EFCAB6: variants seen among roughly 807,000 people sequenced by gnomAD.
EFCAB6 encodes EF-hand calcium binding domain 6, also known as EF-hand calcium-binding domain-containing protein 6.
In EFCAB6, 156 loss-of-function variants were observed where a neutral mutation model predicts 169.8. The observed-to-expected ratio is 0.92, with a 90% CI of 0.81 to 1.05. EFCAB6 has a LOEUF of 1.05. Ranked by LOEUF, EFCAB6 falls within the 50% of genes least tolerant of loss-of-function variation. EFCAB6 has a pLI of 0.00. For missense variants in EFCAB6, 1,800 were observed against 1,829.1 expected, an observed-to-expected ratio of 0.98 and a Z score of 0.29; for synonymous variants, 698 against 676.4, an observed-to-expected ratio of 1.03 and a Z score of -0.50.
At chr22:43,703,992 C>T (rs1006894916) in intron 10 of EFCAB6, among the ~76,000 whole-genome samples, 9 of 151,976 alleles carry the variant, frequency 5.9e-5, no homozygotes, top group Admixed American at 6.5e-5. Context: ...GGAAAAGATA[C>T]CAGTATCCCC....
In EFCAB6 at chr22:43,744,028, G is replaced by C. The variant is rs112528951; in HGVS notation, c.508-8035C>G. 4.5e-4 allele frequency among the ~76,000 whole-genome samples: 69 copies of C among 152,150 alleles called. No homozygotes were observed. The highest frequency in any genetic ancestry group is 1.5e-3 in the African/African-American group (64 of 41,488). On this transcript the variant is annotated intron_variant, in intron 6 of 31. Coordinates refer to ENST00000262726, the MANE Select transcript of EFCAB6 (RefSeq NM_022785.4). This position sits in a 1 kb window ranked among gnomAD's most constrained non-coding sequence, Gnocchi z 4.3. ...ATGGATGAAGGGATGAATGATGAATGAATGAATGAATGAATGGGTTATGGA... is the reference window on the plus strand; with the variant it reads ...ATGGATGAAGGGATGAATGATGAATCAATGAATGAATGAATGGGTTATGGA...
chr22:43,753,485 C>G (rs557568926), intron 6 of EFCAB6, among the ~76,000 whole-genome samples: 1 of 152,196 alleles, frequency 6.6e-6, no homozygotes, highest in African/African-American at 2.4e-5. Flanking sequence ...GAGAGCGCCT[C>G]TTCCCATGAA....
At chr22:43,593,141 T>C (rs563573930) in intron 23 of EFCAB6, among the ~76,000 whole-genome samples, 56 of 152,200 alleles carry the variant, frequency 3.7e-4, no homozygotes, top group Non-Finnish European at 6.3e-4. Flanking sequence ...AAACAGGCCA[T>C]CCTGAAGGAC....
chr22:43,801,843 G>GCAAAAACGACTTAAAACAAACAAAAAAA (rs2062731541), intron 2 of EFCAB6, among the ~76,000 whole-genome samples: 1 of 152,106 alleles, frequency 6.6e-6, no homozygotes, highest in East Asian at 1.9e-4. Flanking sequence ...GCAACAAAAT[G>GCAAAAACGACTTAAAACAAACAAAAAAA]GCAACAGTAA....
intron 27 of EFCAB6, chr22:43,553,109 G>A (rs1057185533): frequency 2.6e-5 from 4 of 152,226 alleles, no homozygotes; most frequent in Non-Finnish European, 4.4e-5. Flanking sequence ...AGAGCTGTGA[G>A]TAGAGCCAGG....
chr22:43,798,584 G>A (rs1399764022), intron 2 of EFCAB6, among the ~76,000 whole-genome samples: 2 of 152,180 alleles, frequency 1.3e-5, no homozygotes, highest in Non-Finnish European at 2.9e-5. Flanking sequence ...ATTGGGATAA[G>A]TCTTTGATTA....
In EFCAB6 at chr22:43,675,314, ATAT is replaced by A. The variant is rs560593989; in HGVS notation, c.1419+2679_1419+2681del. Among the ~76,000 whole-genome samples, 372 of 40,402 alleles carry A rather than the reference ATAT, an allele frequency of 9.2e-3. 2 individuals carry two copies. Among genetic ancestry groups the A allele is most frequent in the African/African-American group, 0.025 (351 of 13,994 alleles). The allele number at this position is 40,402 out of a possible 152,430, so 26.5% of individuals were successfully genotyped here. A position where few individuals can be genotyped will look rare whatever the true frequency, so the allele number is the denominator to read the frequency against. On this transcript the variant is annotated intron_variant, in intron 13 of 31. Transcript: ENST00000262726. ...ATATAGCATAATTATATATTATAGT[ATAT>A]TATACTATAATATATAATATAATAT...
chr22:43,689,934 T>A (rs555636960), intron 10 of EFCAB6, among the ~76,000 whole-genome samples: 72 of 152,316 alleles, frequency 4.7e-4, no homozygotes, highest in Middle Eastern at 3.4e-3. Flanking sequence ...CTGCTCACGT[T>A]TTTATCCAGG....
intron 18 of EFCAB6, among the ~76,000 whole-genome samples, chr22:43,634,191 C>A (rs562876951): frequency 3.3e-5 from 5 of 152,210 alleles, no homozygotes; most frequent in Non-Finnish European, 7.3e-5. Context: ...GCAGGTGGGA[C>A]ACACTCACTA....
chr22:43,588,251 T>G (rs2051210412), intron 24 of EFCAB6, among the ~76,000 whole-genome samples: 1 of 152,252 alleles, frequency 6.6e-6, no homozygotes, highest in Admixed American at 6.5e-5. Context: ...CCACTCTTAG[T>G]ATGGACATAT....
chr22:43,701,792 G>A (rs746367771), intron 10 of EFCAB6, among the ~76,000 whole-genome samples: 2 of 150,382 alleles, frequency 1.3e-5, no homozygotes, highest in East Asian at 1.9e-4. Context: ...ATGAATTTAC[G>A]GATCTTAAGC....
chr22:43,615,271 T>C (rs939581503), intron 21 of EFCAB6, among the ~76,000 whole-genome samples: 1 of 152,220 alleles, frequency 6.6e-6, no homozygotes, highest in Admixed American at 6.5e-5. Flanking sequence ...AGTTCTATTA[T>C]CTTGTAGGTC....
At chr22:43,613,481 G>T (rs1247942418) in intron 21 of EFCAB6, among the ~76,000 whole-genome samples, 1 of 152,078 alleles carries the variant, frequency 6.6e-6, no homozygotes, top group Non-Finnish European at 1.5e-5. Context: ...GGAGCTGGAG[G>T]CTAACATCCT....
At chr22:43,576,993 T>G (rs1480258400) in intron 25 of EFCAB6, among the ~76,000 whole-genome samples, 2 of 152,018 alleles carry the variant, frequency 1.3e-5, no homozygotes, top group Non-Finnish European at 2.9e-5. Flanking sequence ...GGAGGAGGGA[T>G]CAGGGGACCA....
intron 27 of EFCAB6, among the ~76,000 whole-genome samples, chr22:43,541,886 G>T (rs956718341): frequency 3.9e-5 from 6 of 152,240 alleles, no homozygotes; most frequent in African/African-American, 1.4e-4. Context: ...AAAGGGGAAG[G>T]CACACAGCAG....
At chr22:43,671,601 G>C (rs2057496082) in intron 15 of EFCAB6, among the ~76,000 whole-genome samples, 1 of 152,184 alleles carries the variant, frequency 6.6e-6, no homozygotes, top group Non-Finnish European at 1.5e-5. Flanking sequence ...AAAAAGCAAA[G>C]GAGAGATATT....
At chr22:43,762,160 A>T (rs2061184112) in intron 5 of EFCAB6, among the ~76,000 whole-genome samples, 1 of 152,226 alleles carries the variant, frequency 6.6e-6, no homozygotes, top group Non-Finnish European at 1.5e-5. Context: ...TCAACTTGTA[A>T]TTACAATTTT....
chr22:43,760,783 C>T (rs186492420), intron 5 of EFCAB6, among the ~76,000 whole-genome samples: 101 of 152,184 alleles, frequency 6.6e-4, no homozygotes, highest in Non-Finnish European at 1.3e-3. Context: ...CTCAGCCTCC[C>T]AAGCAAGTAG....
At chr22:43,540,531 C>T (rs938772427) in intron 27 of EFCAB6, 174 bp from the exon 28 acceptor site, 3 of 1,528,654 alleles carry the variant, frequency 2.0e-6, no homozygotes, top group African/African-American at 2.8e-5. Flanking sequence ...TCGGCGGAGG[C>T]CTCAGGAAGA....
Sources: gnomAD v4.1 joint callset for allele counts (sites outside exome capture counted in the v4.1 genomes callset) on GRCh38, gnomAD v4.1.1 for gene constraint, Gnocchi (gnomAD v3.1) non-coding constraint, MANE v1.5 for transcripts, NCBI Gene and HGNC (gene_info 2026-07-23, HGNC 2026-07-21) for gene names.